The following MED12L variants were observed in gnomAD, a reference collection of about 807,000 sequenced individuals.
The protein encoded by MED12L is mediator of RNA polymerase II transcription subunit 12-like protein.
In MED12L, 60 loss-of-function variants were observed where a neutral mutation model predicts 281.3. The ratio of observed to expected loss-of-function variants is 0.21; its 90% confidence interval spans 0.17 to 0.26. The LOEUF (loss-of-function observed/expected upper bound fraction) is 0.26, where lower values mean the gene tolerates loss of function less well. Ranked by LOEUF, MED12L falls within the 10% of genes least tolerant of loss-of-function variation. The pLI is 1.00. For synonymous variants in MED12L, 974 were observed against 987.2 expected (o/e 0.99, Z 0.25); for missense variants, 2,146 against 2,680.9 (o/e 0.80, Z 4.41).
intron 16 of MED12L, among the ~76,000 whole-genome samples, chr3:151,256,124 A>G (rs1483086819): frequency 6.6e-6 from 1 of 152,252 alleles, no homozygotes; most frequent in Non-Finnish European, 1.5e-5. Context: ...TGTTATGGAA[A>G]GAGCCAAATT....
At chr3:151,286,063 C>G (rs1743462631) in intron 16 of MED12L, among the ~76,000 whole-genome samples, 1 of 152,132 alleles carries the variant, frequency 6.6e-6, no homozygotes, top group Non-Finnish European at 1.5e-5. Flanking sequence ...TTATTCAGAG[C>G]CCACCTTCTA....
intron 16 of MED12L, chr3:151,328,663 G>C: frequency 6.2e-7 from 1 of 1,613,778 alleles, no homozygotes; most frequent in Non-Finnish European, 8.5e-7. Flanking sequence ...CTAACAGCAC[G>C]ATGCCCACAT....
chr3:151,401,281 GT>G (rs112050479), intron 39 of MED12L, among the ~76,000 whole-genome samples: 43,704 of 142,512 alleles, frequency 0.31, 7,262 homozygotes, highest in Non-Finnish European at 0.39. Flanking sequence ...TTTTTTGTTT[GT>G]TTTTTTTTTT....
intron 15 of MED12L, 140 bp downstream of exon 15, chr3:151,192,794 TA>T (rs1724160570): frequency 1.2e-5 from 8 of 676,074 alleles, no homozygotes; most frequent in Non-Finnish European, 2.1e-5. Flanking sequence ...TTGGTACAAT[TA>T]TCATCTGACA....
chr3:151,364,968 T>C lies in MED12L; in HGVS notation c.2958-11T>C, dbSNP rs1014173326. The C allele has an allele frequency of 6.3e-7, 1 of 1,596,078 alleles. No individual in the cohort carries two copies. Among genetic ancestry groups the C allele is most frequent in the African/African-American group, 1.3e-5 (1 of 74,590 alleles). ...ATTTTTCTGTTTTAACTTTTTTTCT[T>C]ATAACCTCAGTAGTGCCTGTTCAAA... On this transcript the variant is annotated splice_polypyrimidine_tract_variant and intron_variant, in intron 21 of 44. Coordinates refer to ENST00000687756, the MANE Select transcript of MED12L (RefSeq NM_001393769.1).
At chr3:151,426,364 A>G (rs936819556) in intron 43 of MED12L, among the ~76,000 whole-genome samples, 1 of 152,304 alleles carries the variant, frequency 6.6e-6, no homozygotes, top group Non-Finnish European at 1.5e-5. Flanking sequence ...GTTTGAATTG[A>G]AATGCTCAGT....
chr3:151,146,741 A>G (rs1195221236), intron 5 of MED12L, among the ~76,000 whole-genome samples: 1 of 152,176 alleles, frequency 6.6e-6, no homozygotes, highest in Non-Finnish European at 1.5e-5. Flanking sequence ...AACTTTTTAA[A>G]AGCAAAAATG....
At chr3:151,266,905 C>A (rs999379855) in intron 16 of MED12L, among the ~76,000 whole-genome samples, 4 of 152,174 alleles carry the variant, frequency 2.6e-5, no homozygotes, top group East Asian at 1.9e-4. Context: ...CTTTTATAAA[C>A]CCCCACCTTC....
At chr3:151,109,097 G>A (rs1457800658) in intron 2 of MED12L, among the ~76,000 whole-genome samples, 5 of 150,812 alleles carry the variant, frequency 3.3e-5, no homozygotes, top group East Asian at 2.0e-4. Context: ...TCGCTCTGTC[G>A]CCCAGGCTGG....
chr3:151,248,152 G>C (rs1343958462), intron 16 of MED12L, among the ~76,000 whole-genome samples: 2 of 151,712 alleles, frequency 1.3e-5, no homozygotes, highest in African/African-American at 4.8e-5. Flanking sequence ...ATGAATGTTT[G>C]TTATTTAAAT....
At chr3:151,115,642 C>T (rs1046919182) in intron 2 of MED12L, among the ~76,000 whole-genome samples, 30 of 151,592 alleles carry the variant, frequency 2.0e-4, no homozygotes, top group Non-Finnish European at 3.1e-4. Context: ...CCACCGCGCC[C>T]GGCCTGGAAA....
intron 11 of MED12L, among the ~76,000 whole-genome samples, chr3:151,180,395 C>T (rs1419104709): frequency 1.3e-5 from 2 of 152,154 alleles, no homozygotes; most frequent in Non-Finnish European, 2.9e-5. Context: ...TGTCTTGTTA[C>T]TTTATGATTA....
chr3:151,418,693 T>C (rs1017915196), intron 43 of MED12L, among the ~76,000 whole-genome samples: 4 of 152,350 alleles, frequency 2.6e-5, no homozygotes, highest in Admixed American at 2.6e-4. Context: ...ATCTCCCCAC[T>C]GTGAACTTAT....
intron 38 of MED12L, among the ~76,000 whole-genome samples, chr3:151,390,725 T>C (rs1484972460): frequency 6.6e-6 from 1 of 152,230 alleles, no homozygotes; most frequent in Non-Finnish European, 1.5e-5. Context: ...ATTTAAATTA[T>C]TTGAAATCTG....
intron 3 of MED12L, among the ~76,000 whole-genome samples, chr3:151,117,349 T>C (rs1019382597): frequency 1.3e-5 from 2 of 152,186 alleles, no homozygotes. Context: ...ATTCCAAGTT[T>C]ATCTTGTTCT....
chr3:151,430,304 C>T lies in MED12L; in HGVS notation c.6414C>T (p.Pro2138=). The T allele has an allele frequency of 6.2e-7, 1 of 1,614,092 alleles. No homozygotes were observed. The highest frequency in any genetic ancestry group is 8.5e-7 in the Non-Finnish European group (1 of 1,179,976). The change falls in exon 44 of 45, where the codon CCC becomes CCT. Residue 2138 remains proline, a synonymous_variant. Transcript: ENST00000687756. The part of the protein sequence containing the change: ...QAMQPQQPLF[P]RQGLQQTQQQ... ...TTCTCCTGTCGCCATTACAGTTTCC[C>T]AGGCAAGGCTTGCAGCAGACCCAGC... is the stretch of plus-strand genomic sequence containing the variant.
rs1317952955 is a variant in MED12L, at chr3:151,434,563, T to TATC, written c.*1761_*1763dup. Reference sequence around the variant, plus strand: ...TGTACACATTTTTGCTGGTTTTGTATATCAGATTTTTTCCTCTCAAGAAAC... The same window carrying TATC: ...TGTACACATTTTTGCTGGTTTTGTATATCATCAGATTTTTTCCTCTCAAGAAAC... On this transcript the variant is annotated 3_prime_UTR_variant, in exon 45 of 45. Coordinates refer to ENST00000687756, the MANE Select transcript of MED12L (RefSeq NM_001393769.1). 5 of 152,256 alleles carry TATC rather than the reference T, an allele frequency of 3.3e-5. No individual in the cohort carries two copies. The highest frequency in any genetic ancestry group is 9.6e-5 in the African/African-American group (4 of 41,470). The allele number at this position is 152,256 out of a possible 1,614,324, so 9.4% of individuals were successfully genotyped here. A position where few individuals can be genotyped will look rare whatever the true frequency, so the allele number is the denominator to read the frequency against.
intron 16 of MED12L, among the ~76,000 whole-genome samples, chr3:151,273,148 T>C (rs1741255328): frequency 6.6e-6 from 1 of 152,054 alleles, no homozygotes; most frequent in African/African-American, 2.4e-5. Context: ...CCATTGTTCT[T>C]ATAGTCATCA....
chr3:151,257,190 A>G (rs1408754770), intron 16 of MED12L, among the ~76,000 whole-genome samples: 1 of 152,184 alleles, frequency 6.6e-6, no homozygotes, highest in Non-Finnish European at 1.5e-5. Flanking sequence ...AAGCATATTT[A>G]TGTAGTTTCT....
Sources: gnomAD v4.1 joint callset for allele counts (sites outside exome capture counted in the v4.1 genomes callset) on GRCh38, gnomAD v4.1.1 for gene constraint, MANE v1.5 for transcripts, NCBI Gene and HGNC (gene_info 2026-07-23, HGNC 2026-07-21) for gene names.